TULP3: variants seen among roughly 807,000 people sequenced by gnomAD.
The protein encoded by TULP3 is tubby-related protein 3.
In TULP3, 38 loss-of-function variants were observed where a neutral mutation model predicts 50.7. The ratio of observed to expected loss-of-function variants is 0.75; its 90% CI spans 0.58 to 0.98. The LOEUF (loss-of-function observed/expected upper bound fraction) is 0.98, where lower values mean the gene tolerates loss of function less well. Ranked by LOEUF, TULP3 falls within the 50% of genes least tolerant of loss-of-function variation. TULP3 has a pLI of 0.00. For missense variants in TULP3, 550 were observed against 568.0 expected, an observed-to-expected ratio of 0.97 and a Z score of 0.32; for synonymous variants, 183 against 196.6, an observed-to-expected ratio of 0.93 and a Z score of 0.58.
chr12:2,924,139 G>A (rs1372615410), intron 4 of TULP3, among the ~76,000 whole-genome samples: 2 of 152,204 alleles, frequency 1.3e-5, no homozygotes, highest in African/African-American at 4.8e-5. Flanking sequence ...ATAGGCTAGA[G>A]CTAGAAAATC....
chr12:2,936,631 A>G (rs2098201440), intron 8 of TULP3, among the ~76,000 whole-genome samples: 1 of 151,642 alleles, frequency 6.6e-6, no homozygotes, highest in Admixed American at 6.6e-5. Context: ...GCATGCCTAT[A>G]ATCCCAGCTA....
chr12:2,927,342 G>T (rs904249983), intron 4 of TULP3, among the ~76,000 whole-genome samples: 12 of 139,864 alleles, frequency 8.6e-5, no homozygotes, highest in Non-Finnish European at 1.8e-4. Context: ...TTTTTGTATG[G>T]ACCTATGTTT....
In TULP3 at chr12:2,940,766, C is replaced by A; in HGVS notation, c.*1322C>A. On this transcript the variant is annotated 3_prime_UTR_variant, in exon 11 of 11. Coordinates refer to ENST00000448120, the MANE Select transcript of TULP3 (RefSeq NM_003324.5). ...GCAGCTGCGGGACCCTTGGCTTGTCCCCCACCGACAAGTCCCACCTGCTGG... is the reference window on the plus strand; with the variant it reads ...GCAGCTGCGGGACCCTTGGCTTGTCACCCACCGACAAGTCCCACCTGCTGG... 2 of 1,504,496 alleles carry A rather than the reference C, an allele frequency of 1.3e-6. No individual in the cohort carries two copies. Among genetic ancestry groups the A allele is most frequent in the South Asian group, 1.3e-5 (1 of 78,588 alleles). 93.2% of individuals were successfully genotyped at this position (1,504,496 alleles called of 1,614,324 possible).
chr12:2,913,858 C>T (rs1165942207), intron 2 of TULP3, among the ~76,000 whole-genome samples: 1 of 152,142 alleles, frequency 6.6e-6, no homozygotes, highest in Admixed American at 6.5e-5. Flanking sequence ...ATCCGCCTGC[C>T]TCGGCCTCCC....
At chr12:2,909,052 A>G (rs1015589704) in intron 1 of TULP3, among the ~76,000 whole-genome samples, 9 of 152,236 alleles carry the variant, frequency 5.9e-5, no homozygotes, top group Non-Finnish European at 1.2e-4. Context: ...TGTAATTTAG[A>G]TGCCAGAAGG....
At chr12:2,905,990 C>T (rs2098181967) in intron 1 of TULP3, among the ~76,000 whole-genome samples, 1 of 150,098 alleles carries the variant, frequency 6.7e-6, no homozygotes, top group Admixed American at 6.6e-5. Context: ...CCACTGCACT[C>T]TAGCCCAGGC....
Position 2,937,644 on chromosome 12 carries a change from T to G in TULP3, c.938T>G (p.Leu313Arg). 1 of 1,611,678 alleles carries G rather than the reference T, an allele frequency of 6.2e-7. No individual in the cohort carries two copies. Among genetic ancestry groups the G allele is most frequent in the Non-Finnish European group, 8.5e-7 (1 of 1,178,826 alleles). The change falls in exon 9 of 11, where the codon CTT becomes CGT. Residue 313 changes from leucine (L) to arginine (R), a missense_variant. Transcript: ENST00000448120. ...LAAISYETNV[L>R]GFKGPRKMSV... ...CCTATCTTCCAGGAAACAAACGTAC[T>G]TGGATTTAAAGGTCCTAGGAAAATG...
Position 2,922,294 on chromosome 12 carries a change from G to T in TULP3, c.286G>T (p.Asp96Tyr). ...IDGPAAVLKPDEVHAPSVSSS... is the reference protein window; with the variant it reads ...IDGPAAVLKPYEVHAPSVSSS... ...TGGTCCAGCTGCTGTCCTGAAACCA[G>T]ACGAAGTTCATGCTCCATCAGTAAG... Residue 96 changes from aspartate to tyrosine, a missense_variant, in exon 4 of 11, where the codon GAC (aspartate) becomes TAC (tyrosine). Physicochemically the swap from Asp to Tyr is radical, Grantham distance 160. Coordinates refer to ENST00000448120, the MANE Select transcript of TULP3 (RefSeq NM_003324.5). 6.2e-7 allele frequency: 1 copy of T among 1,614,062 alleles called. No homozygotes were observed. Among genetic ancestry groups the T allele is most frequent in the Non-Finnish European group, 8.5e-7 (1 of 1,180,010 alleles).
chr12:2,923,941 A>C (rs1010141416), intron 4 of TULP3, among the ~76,000 whole-genome samples: 1 of 152,106 alleles, frequency 6.6e-6, no homozygotes, highest in African/African-American at 2.4e-5. Context: ...CGATTGCACC[A>C]CTGCACTCCA....
At chr12:2,923,540 A>G (rs954385391) in intron 4 of TULP3, among the ~76,000 whole-genome samples, 4 of 151,000 alleles carry the variant, frequency 2.6e-5, no homozygotes, top group African/African-American at 9.8e-5. Context: ...AATCCCAGCT[A>G]CTCTGGAGGC....
At chr12:2,925,931 C>A (rs147401281) in intron 4 of TULP3, among the ~76,000 whole-genome samples, 1 of 152,150 alleles carries the variant, frequency 6.6e-6, no homozygotes, top group Non-Finnish European at 1.5e-5. Context: ...GGTGAGTTAA[C>A]GCCTTTTCAT....
rs890664571 is a variant in TULP3 at position 2,907,844 on chromosome 12, G to C, written c.42-1685G>C. On this transcript the variant is annotated intron_variant, in intron 1 of 10. Transcript: ENST00000448120. ...AACATATGTAGGTGAAACATGGGGG[G>C]CACAAAGTCAAGGCCAGAGGCTGTT... is the stretch of plus-strand genomic sequence containing the variant. Among the ~76,000 whole-genome samples the C allele has an allele frequency of 3.9e-5, 6 of 152,098 alleles. 1 individual carries two copies. Among genetic ancestry groups the C allele is most frequent in the African/African-American group, 1.4e-4 (6 of 41,426 alleles).
intron 4 of TULP3, among the ~76,000 whole-genome samples, chr12:2,928,809 G>A (rs567953367): frequency 6.0e-4 from 91 of 152,036 alleles, no homozygotes; most frequent in Middle Eastern, 6.8e-3. Context: ...GCTGGGCTTC[G>A]TGGCGCACAC....
chr12:2,930,937 C>T (rs369421263), intron 5 of TULP3, 100 bp from the exon 6 acceptor site: 116 of 1,277,146 alleles, frequency 9.1e-5, no homozygotes, highest in South Asian at 3.1e-4. Flanking sequence ...ACTGAAGACA[C>T]GGGTAAATTA....
At chr12:2,922,928 A>G (rs1337554497) in intron 4 of TULP3, among the ~76,000 whole-genome samples, 2 of 145,846 alleles carry the variant, frequency 1.4e-5, no homozygotes, top group Admixed American at 7.1e-5. Context: ...ATCTCGGCTC[A>G]CTGCAAGCTC....
chr12:2,927,233 C>G (rs908055662), intron 4 of TULP3, among the ~76,000 whole-genome samples: 3 of 152,178 alleles, frequency 2.0e-5, no homozygotes, highest in Non-Finnish European at 4.4e-5. Context: ...GGATAACACT[C>G]CATTGTATGG....
intron 8 of TULP3, among the ~76,000 whole-genome samples, chr12:2,935,069 G>A (rs893761217): frequency 6.6e-6 from 1 of 152,134 alleles, no homozygotes; most frequent in Non-Finnish European, 1.5e-5. Context: ...GCCACCAAAT[G>A]AATCTTCCTA....
chr12:2,891,548 C>A, intron 1 of TULP3, among the ~76,000 whole-genome samples: 1 of 152,190 alleles, frequency 6.6e-6, no homozygotes, highest in East Asian at 1.9e-4. Flanking sequence ...CAGTGGGCCA[C>A]ACCCCTTGTT....
intron 2 of TULP3, among the ~76,000 whole-genome samples, chr12:2,916,050 C>T (rs1450918802): frequency 6.6e-6 from 1 of 151,970 alleles, no homozygotes; most frequent in African/African-American, 2.4e-5. Context: ...TGCTCTGTTG[C>T]CCAGGCTGGA....
Sources: allele counts gnomAD v4.1 joint callset (sites outside exome capture counted in the v4.1 genomes callset), GRCh38; gene constraint gnomAD v4.1.1; transcripts MANE v1.5; gene names NCBI Gene and HGNC (gene_info 2026-07-23, HGNC 2026-07-21).